Variants in CIITA observed in about 807,000 individuals in gnomAD.
The protein encoded by CIITA is MHC class II transactivator.
Under a neutral mutation model 115.1 loss-of-function variants are expected in CIITA, and 72 were observed. The observed-to-expected ratio is 0.63, with a 90% CI of 0.52 to 0.76. The LOEUF is 0.76. CIITA is among the 30% of genes least tolerant of loss of function. The pLI is 0.00. For synonymous variants in CIITA, 763 were observed against 635.6 expected (o/e 1.20, Z -3.02); for missense variants, 1,617 against 1,463.8 (o/e 1.10, Z -1.71).
rs1313164811 is a variant in CIITA at position 10,901,346 on chromosome 16, C to G, written c.437-168C>G. ...TATGGTTTGAGATGGGGTTTGGGTT[C>G]AAGCCAAGGAGCTGGGGTTGGAATG... On this transcript the variant is annotated intron_variant, in intron 5 of 19. Coordinates refer to ENST00000324288, the MANE Select transcript of CIITA (RefSeq NM_000246.4). This position sits in a 1 kb window ranked among gnomAD's most constrained non-coding sequence, Gnocchi z 6.8. Among the ~76,000 whole-genome samples the G allele has an allele frequency of 1.3e-5, 2 of 152,096 alleles. No homozygotes were observed. The highest frequency in any genetic ancestry group is 2.4e-5 in the African/African-American group (1 of 41,402).
intron 9 of CIITA, among the ~76,000 whole-genome samples, chr16:10,904,435 G>A (rs1420949200): frequency 6.6e-6 from 1 of 152,058 alleles, no homozygotes; most frequent in Non-Finnish European, 1.5e-5. Flanking sequence ...TGGCCAGGCT[G>A]GTCTCGAACT....
At chr16:10,894,715 A>G (rs1444569919) in intron 1 of CIITA, among the ~76,000 whole-genome samples, 1 of 152,244 alleles carries the variant, frequency 6.6e-6, no homozygotes, top group Non-Finnish European at 1.5e-5. Flanking sequence ...AAAGGAGCAG[A>G]GACTTGCTCA....
At chr16:10,886,770 A>C (rs1341740335) in intron 1 of CIITA, among the ~76,000 whole-genome samples, 1 of 152,240 alleles carries the variant, frequency 6.6e-6, no homozygotes, top group African/African-American at 2.4e-5. Context: ...TGCCAACAAA[A>C]TGCAGTCGAT....
chr16:10,890,831 C>G (rs142669662), intron 1 of CIITA, among the ~76,000 whole-genome samples: 28 of 152,314 alleles, frequency 1.8e-4, no homozygotes, highest in African/African-American at 6.7e-4. Flanking sequence ...AGTCCCATTG[C>G]TAAGGGCTCC....
rs1385270258 is a variant in CIITA at position 10,907,960 on chromosome 16, A to G, written c.2468A>G (p.Gln823Arg). The G allele has an allele frequency of 6.4e-7, 1 of 1,565,774 alleles. No homozygotes were observed. The highest frequency in any genetic ancestry group is 8.6e-7 in the Non-Finnish European group (1 of 1,157,126). Residue 823 changes from glutamine to arginine, a missense_variant, in exon 11 of 20, where the codon CAG (glutamine) becomes CGG (arginine). Coordinates refer to ENST00000324288, the MANE Select transcript of CIITA (RefSeq NM_000246.4). This position sits in a 1 kb window ranked among gnomAD's most constrained non-coding sequence, Gnocchi z 5.0. ...GAGGCCGAGGAGGCTGGAATTTGGC[A>G]GCACGTGGTACAGGAGCTCCCCGGC... ...AHEAEEAGIW[Q>R]HVVQELPGRL...
intron 1 of CIITA, among the ~76,000 whole-genome samples, chr16:10,894,045 T>G (rs2037874194): frequency 6.6e-6 from 1 of 152,106 alleles, no homozygotes; most frequent in Non-Finnish European, 1.5e-5. Flanking sequence ...AGAGATAGGC[T>G]TTTGCTATGT....
chr16:10,906,784 G>C lies in CIITA; in HGVS notation c.1292G>C (p.Gly431Ala), dbSNP rs1596550077. The change falls in exon 11 of 20, where the codon GGG becomes GCG. Residue 431 changes from glycine (G) to alanine (A), a missense_variant. Coordinates refer to ENST00000324288, the MANE Select transcript of CIITA (RefSeq NM_000246.4). The stretch of plus-strand genomic sequence containing the variant: ...GGTCAGGGCAAGAGCTATTGGGCTG[G>C]GGCAGTGAGCCGGGCCTGGGCTTGT... ...KAGQGKSYWA[G>A]AVSRAWACGR... 6.2e-6 allele frequency: 10 copies of C among 1,611,784 alleles called. No individual in the cohort carries two copies. Among genetic ancestry groups the C allele is most frequent in the African/African-American group, 5.3e-5 (4 of 75,052 alleles).
In CIITA at chr16:10,922,171, T is replaced by C. The variant is rs1439344870; in HGVS notation, c.3154T>C (p.Tyr1052His). Residue 1052 changes from tyrosine to histidine, a missense_variant, in exon 17 of 20, where the codon TAC becomes CAC. Transcript: ENST00000324288. ...CCTGGCCTCTGTTTCCGACAGCTTGTACAATAACTGCATCTGCGACGTGGG... is the reference window on the plus strand; with the variant it reads ...CCTGGCCTCTGTTTCCGACAGCTTGCACAATAACTGCATCTGCGACGTGGG... Reference protein sequence around the residue: ...LAASLLRLSLYNNCICDVGAE... With the variant: ...LAASLLRLSLHNNCICDVGAE... The C allele has an allele frequency of 2.5e-6, 4 of 1,614,226 alleles. No homozygotes were observed. Among genetic ancestry groups the C allele is most frequent in the Non-Finnish European group, 2.5e-6 (3 of 1,180,024 alleles).
intron 13 of CIITA, among the ~76,000 whole-genome samples, chr16:10,911,364 C>T (rs60572853): frequency 1.2e-4 from 7 of 59,486 alleles, no homozygotes; most frequent in South Asian, 8.9e-4. Flanking sequence ...TTCTTTCTCT[C>T]TGTTTCTTTC....
Position 10,901,896 on chromosome 16 carries a change from A to T in CIITA, c.482-142A>T, listed in dbSNP as rs778750766. On this transcript the variant is annotated intron_variant, in intron 6 of 19. Transcript: ENST00000324288. The surrounding 1 kb of genome is among the most constrained non-coding windows in gnomAD (Gnocchi z 6.8). ...ACTGCCTGGCACAGAGCAGTTGCTG[A>T]TCAACACAGCTGCAGCCAGGGCTGA... The T allele has an allele frequency of 2.0e-5, 24 of 1,227,396 alleles. No individual in the cohort carries two copies. The highest frequency in any genetic ancestry group is 1.2e-4 in the Admixed American group (7 of 58,382). 76.0% of individuals were successfully genotyped at this position (1,227,396 alleles called of 1,614,324 possible). A position where few individuals can be genotyped will look rare whatever the true frequency, so the allele number is the denominator to read the frequency against.
intron 1 of CIITA, among the ~76,000 whole-genome samples, chr16:10,881,060 G>C (rs1228956979): frequency 6.6e-6 from 1 of 152,122 alleles, no homozygotes; most frequent in East Asian, 1.9e-4. Context: ...GATTGCTTGA[G>C]GCCAGGAGTT....
rs1168122591 is a variant in CIITA at position 10,908,550 on chromosome 16, G to T, written c.2657+401G>T. On this transcript the variant is annotated intron_variant, in intron 11 of 19. Transcript: ENST00000324288. ...ATTCTCTCCTCTTCCACTCCATTTT[G>T]TATTCAGCAACCAGACCAATCTTCT... 4 of 413,602 alleles carry T rather than the reference G, an allele frequency of 9.7e-6. No individual in the cohort carries two copies. In the East Asian group the frequency reaches 2.2e-4, roughly 23 times the overall value. The allele number at this position is 413,602 out of a possible 1,614,324, so 25.6% of individuals were successfully genotyped here.
At chr16:10,877,617 A>AAGGTTCT (rs2035958884) in intron 1 of CIITA, among the ~76,000 whole-genome samples, 1 of 151,962 alleles carries the variant, frequency 6.6e-6, no homozygotes, top group South Asian at 2.1e-4. Context: ...TCAGCACCGA[A>AAGGTTCT]AGGTTCTAGA....
At chr16:10,900,274 C>T (rs943541230) in intron 5 of CIITA, among the ~76,000 whole-genome samples, 1 of 152,130 alleles carries the variant, frequency 6.6e-6, no homozygotes, top group Non-Finnish European at 1.5e-5. Context: ...TTACACTATT[C>T]TGCATTTTGC....
intron 7 of CIITA, 52 bp from the exon 8 acceptor site, chr16:10,902,606 G>T: frequency 1.2e-6 from 2 of 1,611,676 alleles, no homozygotes; most frequent in Non-Finnish European, 1.7e-6. Flanking sequence ...AAGCAGAATC[G>T]CAAACACAGG....
chr16:10,917,024 G>T (rs1419967761), intron 15 of CIITA: 1 of 231,464 alleles, frequency 4.3e-6, no homozygotes, highest in African/African-American at 2.2e-5. Context: ...TGAAAATAAT[G>T]TTTGGTGACA....
intron 9 of CIITA, 78 bp downstream of exon 9, chr16:10,903,973 C>T (rs1294361064): frequency 1.9e-6 from 3 of 1,593,148 alleles, no homozygotes; most frequent in Non-Finnish European, 2.6e-6. Flanking sequence ...CAAATAAGAT[C>T]CACAAGCAAA....
At chr16:10,940,106 G>C (rs1032055167), downstream of CIITA, 2 of 152,360 alleles carry the variant, frequency 1.3e-5, no homozygotes, top group Non-Finnish European at 1.5e-5. The surrounding 1 kb of genome is among the most constrained non-coding windows in gnomAD (Gnocchi z 4.2). Flanking sequence ...CCCATTAGGA[G>C]AGCCCTCTGC....
At chr16:10,903,098 G>T (rs563587797) in intron 8 of CIITA, among the ~76,000 whole-genome samples, 7 of 152,220 alleles carry the variant, frequency 4.6e-5, no homozygotes, top group African/African-American at 1.4e-4. Flanking sequence ...TTTTTAAATT[G>T]CAACATCAAT....
Sources: gnomAD v4.1 joint callset for allele counts (sites outside exome capture counted in the v4.1 genomes callset) on GRCh38, gnomAD v4.1.1 for gene constraint, Gnocchi (gnomAD v3.1) non-coding constraint, MANE v1.5 for transcripts, NCBI Gene and HGNC (gene_info 2026-07-23, HGNC 2026-07-21) for gene names.